SEMA4D: variants seen among roughly 807,000 people sequenced by gnomAD.
SEMA4D encodes semaphorin-4D.
Under a neutral mutation model 74.8 loss-of-function variants are expected in SEMA4D, and 22 were observed. The ratio of observed to expected loss-of-function variants is 0.29; its 90% CI spans 0.21 to 0.42. The LOEUF is 0.42. Ranked by LOEUF, SEMA4D falls within the 10% of genes least tolerant of loss-of-function variation. SEMA4D has a pLI of 1.00. For missense variants in SEMA4D, 937 were observed against 1,118.4 expected (o/e 0.84, Z 2.31); for synonymous variants, 445 against 463.7 (o/e 0.96, Z 0.52).
At chr9:89,401,918 C>T (rs1842300023) in intron 4 of SEMA4D, among the ~76,000 whole-genome samples, 2 of 150,154 alleles carry the variant, frequency 1.3e-5, no homozygotes, top group South Asian at 4.3e-4. Context: ...ATCTAGACTT[C>T]GCTGGTCAAA....
At chr9:89,449,522 C>G (rs1401527480) in intron 2 of SEMA4D, 1 of 758,892 alleles carries the variant, frequency 1.3e-6, no homozygotes, top group Admixed American at 1.7e-5. Flanking sequence ...AGGGGCGGCT[C>G]AGGGGAAACG....
chr9:89,436,127 G>A (rs987068279), intron 2 of SEMA4D, among the ~76,000 whole-genome samples: 2 of 152,224 alleles, frequency 1.3e-5, no homozygotes, highest in African/African-American at 4.8e-5. Flanking sequence ...AAGCCTGTAA[G>A]GTCCACTCAA....
chr9:89,394,542 G>A (rs1217807574), intron 6 of SEMA4D, among the ~76,000 whole-genome samples: 5 of 152,252 alleles, frequency 3.3e-5, no homozygotes, highest in East Asian at 3.8e-4. Context: ...CAGAACACGC[G>A]TGGGGATGCC....
chr9:89,479,995 C>T (rs369533824), intron 1 of SEMA4D: 2 of 152,156 alleles, frequency 1.3e-5, no homozygotes, highest in South Asian at 2.1e-4. Flanking sequence ...CTGATTGGTG[C>T]GTTTACAATC....
intron 2 of SEMA4D, among the ~76,000 whole-genome samples, chr9:89,414,581 T>G (rs892882616): frequency 2.0e-5 from 3 of 152,248 alleles, no homozygotes; most frequent in African/African-American, 7.2e-5. Flanking sequence ...CCAGTTAGGA[T>G]GCTGATGTCA....
At chr9:89,417,678 A>C (rs1287437480) in intron 2 of SEMA4D, among the ~76,000 whole-genome samples, 2 of 152,142 alleles carry the variant, frequency 1.3e-5, no homozygotes, top group African/African-American at 4.8e-5. Flanking sequence ...ATTACACCAC[A>C]CCTTACCAGC....
At chr9:89,475,052 C>T (rs768593583) in intron 1 of SEMA4D, among the ~76,000 whole-genome samples, 19 of 152,346 alleles carry the variant, frequency 1.2e-4, no homozygotes, top group African/African-American at 2.9e-4. Flanking sequence ...TCCCCAGCTC[C>T]GGGCCCACCC....
intron 4 of SEMA4D, among the ~76,000 whole-genome samples, chr9:89,402,292 G>A (rs1390429952): frequency 6.6e-6 from 1 of 152,214 alleles, no homozygotes; most frequent in Non-Finnish European, 1.5e-5. Context: ...ACCGAGGCTG[G>A]CTCCTAGAAG....
intron 4 of SEMA4D, among the ~76,000 whole-genome samples, chr9:89,400,358 C>CCT (rs932091245): frequency 6.6e-6 from 1 of 152,240 alleles, no homozygotes; most frequent in Non-Finnish European, 1.5e-5. Context: ...CAAAATGCCC[C>CCT]CTCTCTCTGT....
intron 2 of SEMA4D, among the ~76,000 whole-genome samples, chr9:89,422,953 CTGTCAGCAATG>C (rs145024847): frequency 0.15 from 23,412 of 152,064 alleles, 2,350 homozygotes; most frequent in Non-Finnish European, 0.22. Flanking sequence ...ATTTTAGAGA[CTGTCAGCAATG>C]TGTCAGCAAT....
At chr9:89,363,317 A>G in intron 18 of SEMA4D, 4 of 1,468,432 alleles carry the variant, frequency 2.7e-6, no homozygotes, top group Non-Finnish European at 3.6e-6. Context: ...CGGGGCTAAG[A>G]GGGAACAAGT....
chr9:89,370,787 T>C (rs562985910), intron 16 of SEMA4D, among the ~76,000 whole-genome samples: 1 of 108,448 alleles, frequency 9.2e-6, no homozygotes, highest in Admixed American at 9.2e-5. Context: ...TGGGGTGGGG[T>C]GTATGTGTGG....
chr9:89,416,670 G>A (rs774928741), intron 2 of SEMA4D, among the ~76,000 whole-genome samples: 2 of 152,204 alleles, frequency 1.3e-5, no homozygotes, highest in Admixed American at 6.5e-5. Context: ...AACAGTGGTC[G>A]CTTATAAGGA....
chr9:89,382,504 C>T (rs906382876), intron 13 of SEMA4D, among the ~76,000 whole-genome samples: 5 of 152,100 alleles, frequency 3.3e-5, no homozygotes, highest in South Asian at 2.1e-4. Context: ...CACAGACCCA[C>T]GAGAGAAAGG....
Position 89,451,836 on chromosome 9 carries a change from C to T in SEMA4D, c.-244+4052G>A, listed in dbSNP as rs538453120. Among the ~76,000 whole-genome samples, 18 of 152,274 alleles carry T rather than the reference C, an allele frequency of 1.2e-4. No individual in the cohort carries two copies. The South Asian group carries it at 3.5e-3, about 30-fold the overall frequency. On this transcript the variant is annotated intron_variant, in intron 2 of 15. Coordinates refer to ENST00000422704, the MANE Select transcript of SEMA4D (RefSeq NM_001371194.2). ...CCCAATACACATCCAAAATACAATC[C>T]TTCTGCATGTCATGCACGCAGGTCA...
intron 1 of SEMA4D, among the ~76,000 whole-genome samples, chr9:89,489,116 G>C (rs1388647607): frequency 6.6e-6 from 1 of 152,220 alleles, no homozygotes; most frequent in African/African-American, 2.4e-5. Context: ...ACTGACAACA[G>C]CAAGTGTTGG....
intron 2 of SEMA4D, among the ~76,000 whole-genome samples, chr9:89,455,385 G>C (rs1035950164): frequency 6.6e-6 from 1 of 152,238 alleles, no homozygotes. Flanking sequence ...CGGGGCATGG[G>C]GGGTGTGAGT....
chr9:89,423,425 G>T (rs1055696403), intron 2 of SEMA4D, among the ~76,000 whole-genome samples: 2 of 152,028 alleles, frequency 1.3e-5, no homozygotes, highest in Admixed American at 1.3e-4. Context: ...TCCCAACCTC[G>T]GTGATCCGTC....
At chr9:89,384,446 CAG>C (rs1837940486) in intron 13 of SEMA4D, among the ~76,000 whole-genome samples, 1 of 152,134 alleles carries the variant, frequency 6.6e-6, no homozygotes, top group African/African-American at 2.4e-5. Flanking sequence ...CAGACAGAAA[CAG>C]AAAGCAGAAT....
Sources: allele counts gnomAD v4.1 joint callset (sites outside exome capture counted in the v4.1 genomes callset), GRCh38; gene constraint gnomAD v4.1.1; transcripts MANE v1.5; gene names NCBI Gene and HGNC (gene_info 2026-07-23, HGNC 2026-07-21).